DARS1: variants seen among roughly 807,000 people sequenced by gnomAD.
The protein encoded by DARS1 is aspartate--tRNA ligase, cytoplasmic.
A neutral mutation model predicts 68.8 loss-of-function variants in DARS1; 51 were observed. The ratio of observed to expected loss-of-function variants is 0.74; its 90% CI spans 0.59 to 0.94. The LOEUF (loss-of-function observed/expected upper bound fraction) is 0.94. Ranked by LOEUF, DARS1 falls within the 40% of genes least tolerant of loss-of-function variation. DARS1 has a pLI of 0.00. For synonymous variants in DARS1, 203 were observed against 190.4 expected, an observed-to-expected ratio of 1.07 and a Z score of -0.55; for missense variants, 607 against 597.3, an observed-to-expected ratio of 1.02 and a Z score of -0.17.
At chr2:135,978,656 G>C (rs565307064) in intron 3 of DARS1, among the ~76,000 whole-genome samples, 1 of 152,168 alleles carries the variant, frequency 6.6e-6, no homozygotes, top group African/African-American at 2.4e-5. Context: ...CTGTTGTTGA[G>C]GCTAAATTTT....
At position 135,922,791 on chromosome 2, in the gene DARS1, A is replaced by C; in HGVS notation, c.804T>G (p.Ile268Met). ...ICADFEKVFS[I>M]GPVFRAEDSN... ...TAACTGCCAAAATCTTACCTGGTCC[A>C]ATAGAGAAAACCTTCTCAAAATCAG... Residue 268 changes from isoleucine (I) to methionine (M), a missense_variant, in exon 9 of 16, where the codon ATT (isoleucine) becomes ATG (methionine). Transcript: ENST00000264161. 6.4e-7 allele frequency: 1 copy of C among 1,563,018 alleles called. No homozygotes were observed. The highest frequency in any genetic ancestry group is 8.6e-7 in the Non-Finnish European group (1 of 1,159,812).
At chr2:135,981,667 AT>A (rs1019471144) in intron 2 of DARS1, among the ~76,000 whole-genome samples, 26 of 147,966 alleles carry the variant, frequency 1.8e-4, no homozygotes, top group African/African-American at 6.2e-4. Flanking sequence ...ATTTTCAGAA[AT>A]TTTGGCTTTT....
chr2:135,935,189 T>C (rs1681440552), intron 5 of DARS1, among the ~76,000 whole-genome samples: 1 of 152,134 alleles, frequency 6.6e-6, no homozygotes, highest in Non-Finnish European at 1.5e-5. Flanking sequence ...TCATTCTTTC[T>C]CCTTTCAAGT....
At chr2:135,977,867 G>A (rs1682534040) in intron 3 of DARS1, among the ~76,000 whole-genome samples, 1 of 151,824 alleles carries the variant, frequency 6.6e-6, no homozygotes, top group Non-Finnish European at 1.5e-5. Context: ...TATCGGCTGG[G>A]TGCAGTGACT....
chr2:135,937,000 GTA>G (rs889151764), intron 5 of DARS1, among the ~76,000 whole-genome samples: 10 of 152,138 alleles, frequency 6.6e-5, no homozygotes, highest in Non-Finnish European at 2.9e-5. Context: ...GATGTATATT[GTA>G]GATACAATCT....
At chr2:135,965,064 A>C (rs1295426638) in intron 3 of DARS1, among the ~76,000 whole-genome samples, 1 of 152,098 alleles carries the variant, frequency 6.6e-6, no homozygotes, top group Non-Finnish European at 1.5e-5. Flanking sequence ...CCAGATCAAT[A>C]GAACATAAGA....
At chr2:135,954,325 CAA>C (rs1172207033) in intron 4 of DARS1, among the ~76,000 whole-genome samples, 35 of 81,440 alleles carry the variant, frequency 4.3e-4, no homozygotes, top group Middle Eastern at 7.4e-3. Context: ...AAAACAAAAC[CAA>C]AAAAAAAAAA....
intron 15 of DARS1, among the ~76,000 whole-genome samples, chr2:135,907,924 T>C (rs1680822611): frequency 6.6e-6 from 1 of 152,172 alleles, no homozygotes; most frequent in African/African-American, 2.4e-5. Flanking sequence ...AAGAAACTGA[T>C]TTTTGGAAGG....
chr2:135,917,742 G>A (rs1486186009), intron 10 of DARS1, among the ~76,000 whole-genome samples: 3 of 151,968 alleles, frequency 2.0e-5, no homozygotes, highest in Non-Finnish European at 4.4e-5. Context: ...GCCTCCCAAA[G>A]TGTTAGGATT....
At chr2:135,983,532 GA>G in intron 1 of DARS1, 78 bp from the exon 2 acceptor site, 1 of 598,306 alleles carries the variant, frequency 1.7e-6, no homozygotes, top group Non-Finnish European at 2.9e-6. Context: ...ACTAATAATA[GA>G]ATATAAAAAT....
chr2:135,968,305 A>C (rs866547811), intron 3 of DARS1, among the ~76,000 whole-genome samples: 1 of 152,290 alleles, frequency 6.6e-6, no homozygotes, highest in South Asian at 2.1e-4. Context: ...GAAATAAAAA[A>C]CACTGACAAT....
At chr2:135,937,710 T>A (rs1575392723) in intron 5 of DARS1, among the ~76,000 whole-genome samples, 1 of 152,338 alleles carries the variant, frequency 6.6e-6, no homozygotes, top group Non-Finnish European at 1.5e-5. Context: ...TCTCAGCATT[T>A]GCTTGTCTGT....
intron 3 of DARS1, among the ~76,000 whole-genome samples, chr2:135,973,402 A>T (rs1348089915): frequency 2.0e-5 from 3 of 152,124 alleles, no homozygotes; most frequent in Non-Finnish European, 4.4e-5. Context: ...AGAGAATAGA[A>T]AGATAGTTAA....
At chr2:135,953,660 T>C (rs1681897874) in intron 4 of DARS1, among the ~76,000 whole-genome samples, 1 of 152,180 alleles carries the variant, frequency 6.6e-6, no homozygotes, top group Admixed American at 6.6e-5. Flanking sequence ...TAACTGTCAC[T>C]GAAAACATGA....
chr2:135,940,413 T>C (rs958581736), intron 5 of DARS1, among the ~76,000 whole-genome samples: 1 of 152,146 alleles, frequency 6.6e-6, no homozygotes, highest in Non-Finnish European at 1.5e-5. Flanking sequence ...AAAAACCACA[T>C]GATTATCTCA....
chr2:135,952,263 C>A (rs1340514204), intron 4 of DARS1, among the ~76,000 whole-genome samples: 1 of 151,816 alleles, frequency 6.6e-6, no homozygotes. Flanking sequence ...AAAAAGTATG[C>A]CATTAATGAA....
chr2:135,962,105 C>T (rs926793782), intron 3 of DARS1, among the ~76,000 whole-genome samples: 15 of 152,164 alleles, frequency 9.9e-5, no homozygotes, highest in African/African-American at 3.4e-4. Context: ...ATGAGTCTCG[C>T]ATTTTTTTTT....
intron 12 of DARS1, 64 bp downstream of exon 12, chr2:135,914,405 T>C: frequency 1.1e-6 from 1 of 870,632 alleles, no homozygotes; most frequent in Non-Finnish European, 2.0e-6. Flanking sequence ...CCTCTGCAAT[T>C]GTTTTTAGTC....
intron 7 of DARS1, among the ~76,000 whole-genome samples, chr2:135,927,097 T>C (rs1364187715): frequency 1.3e-5 from 2 of 152,224 alleles, no homozygotes; most frequent in Non-Finnish European, 2.9e-5. Flanking sequence ...AATCGGTTTT[T>C]TATAGACTCA....
Sources: gnomAD v4.1 joint callset for allele counts (sites outside exome capture counted in the v4.1 genomes callset) on GRCh38, gnomAD v4.1.1 for gene constraint, MANE v1.5 for transcripts, NCBI Gene and HGNC (gene_info 2026-07-23, HGNC 2026-07-21) for gene names.